Variants in NDRG2 observed in about 807,000 individuals in gnomAD.
NDRG2 encodes NDRG family member 2.
A neutral mutation model predicts 58.2 loss-of-function variants in NDRG2; 34 were observed. The ratio of observed to expected loss-of-function variants is 0.58; its 90% CI spans 0.44 to 0.78. The LOEUF (loss-of-function observed/expected upper bound fraction) is 0.78, where lower values mean the gene tolerates loss of function less well. NDRG2 is among the 30% of genes least tolerant of loss of function. The probability of loss-of-function intolerance (pLI) is 0.00; values close to 1 mark genes in which losing one functional copy is unlikely to be tolerated. For synonymous variants in NDRG2, 187 were observed against 175.9 expected, an observed-to-expected ratio of 1.06 and a Z score of -0.50; for missense variants, 434 against 471.2, an observed-to-expected ratio of 0.92 and a Z score of 0.73.
rs114584633 is a variant in NDRG2 at position 21,055,063 on chromosome 14, C to T, written c.24+15765G>A. Among the ~76,000 whole-genome samples the T allele has an allele frequency of 3.6e-3, 549 of 152,248 alleles. 2 individuals carry two copies. The highest frequency in any genetic ancestry group is 0.013 in the African/African-American group (522 of 41,530). The stretch of plus-strand genomic sequence containing the variant: ...CCATACTCCTAAGCATTTTACCACT[C>T]GCCACACTACTTTGAATATGTAAGA... On this transcript the variant is annotated intron_variant, in intron 1 of 14. Transcript: ENST00000403829.
intron 1 of NDRG2, among the ~76,000 whole-genome samples, chr14:21,060,769 G>A (rs1885913660): frequency 6.6e-6 from 1 of 152,140 alleles, no homozygotes; most frequent in Non-Finnish European, 1.5e-5. Flanking sequence ...CTCAGTGTTC[G>A]TTAGTGGAAA....
At chr14:21,068,595 A>G (rs554129635) in intron 1 of NDRG2, among the ~76,000 whole-genome samples, 24 of 152,186 alleles carry the variant, frequency 1.6e-4, no homozygotes, top group East Asian at 1.4e-3. Context: ...GCCCCTGGGC[A>G]GTATTTACGG....
chr14:21,045,939 T>C (rs867403676), intron 1 of NDRG2, among the ~76,000 whole-genome samples: 3 of 152,182 alleles, frequency 2.0e-5, no homozygotes, highest in Admixed American at 1.3e-4. Flanking sequence ...CTCATTGAAC[T>C]GTATACTTAA....
intron 4 of NDRG2, 24 bp downstream of exon 4, chr14:21,022,368 T>C (rs779836963): frequency 6.3e-7 from 1 of 1,593,562 alleles, no homozygotes; most frequent in Admixed American, 1.7e-5. Context: ...CAGACAGGAG[T>C]GGGAGATGAA....
intron 1 of NDRG2, chr14:21,034,297 C>T: frequency 6.2e-7 from 1 of 1,601,350 alleles, no homozygotes; most frequent in Non-Finnish European, 8.5e-7. Flanking sequence ...ATTCCTCCTG[C>T]TGGTAGAGTT....
At chr14:21,025,166 C>T (rs1403998330), upstream of NDRG2, 2 of 934,108 alleles carry the variant, frequency 2.1e-6, no homozygotes, top group Non-Finnish European at 1.3e-6. The surrounding 1 kb of genome is among the most constrained non-coding windows in gnomAD (Gnocchi z 5.1). Flanking sequence ...CGCCCCAGAC[C>T]CCCAGTAAAC....
intron 1 of NDRG2, chr14:21,058,091 C>T: frequency 6.2e-7 from 1 of 1,614,138 alleles, no homozygotes; most frequent in Non-Finnish European, 8.5e-7. Flanking sequence ...GTGCAAAGAC[C>T]TCAACACCTT....
At chr14:21,038,618 G>T (rs948784818) in intron 1 of NDRG2, among the ~76,000 whole-genome samples, 5 of 152,204 alleles carry the variant, frequency 3.3e-5, no homozygotes, top group African/African-American at 4.8e-5. Flanking sequence ...TCTGGCTGGG[G>T]TTGAGGCACT....
intron 1 of NDRG2, among the ~76,000 whole-genome samples, chr14:21,047,472 T>C (rs1885241199): frequency 6.6e-6 from 1 of 152,230 alleles, no homozygotes; most frequent in Non-Finnish European, 1.5e-5. Flanking sequence ...GGAATAGTGA[T>C]GAAATAGGAA....
intron 1 of NDRG2, among the ~76,000 whole-genome samples, chr14:21,038,900 G>A (rs545863976): frequency 1.1e-4 from 16 of 152,288 alleles, no homozygotes; most frequent in African/African-American, 3.8e-4. Flanking sequence ...AAAGGTCATG[G>A]GAATTCAAGG....
At chr14:21,033,656 C>T in intron 1 of NDRG2, 1 of 633,274 alleles carries the variant, frequency 1.6e-6, no homozygotes, top group Non-Finnish European at 2.8e-6. Flanking sequence ...CACCACTTTG[C>T]ATGGTGATCA....
At position 21,024,743 on chromosome 14, in the gene NDRG2, G is replaced by C. The variant is rs964210181; in HGVS notation, c.-720C>G. ...AGGAGACCGGCCGGGCCCAGCACCC[G>C]GAACCCGTCCCTACGAGTCCCTACG... On this transcript the variant is annotated 5_prime_UTR_variant, in exon 1 of 16. Transcript: ENST00000556147. The C allele has an allele frequency of 1.0e-6, 1 of 985,318 alleles. No homozygotes were observed. The highest frequency in any genetic ancestry group is 1.2e-6 in the Non-Finnish European group (1 of 829,988). The allele number at this position is 985,318 out of a possible 1,614,324, so 61.0% of individuals were successfully genotyped here.
chr14:21,056,089 T>C (rs1885663018), intron 1 of NDRG2, among the ~76,000 whole-genome samples: 1 of 152,128 alleles, frequency 6.6e-6, no homozygotes. Context: ...CATTCAGAAA[T>C]GCAGATACTA....
intron 1 of NDRG2, among the ~76,000 whole-genome samples, chr14:21,067,761 T>TACACACACACACACACACAC (rs3061993): frequency 8.7e-5 from 13 of 150,126 alleles, no homozygotes; most frequent in African/African-American, 3.2e-4. Context: ...TGTACACACG[T>TACACACACACACACACACAC]ACACACACAC....
chr14:21,043,310 G>C (rs768854515), intron 1 of NDRG2: 1 of 1,614,186 alleles, frequency 6.2e-7, no homozygotes, highest in Non-Finnish European at 8.5e-7. Flanking sequence ...CCGTGTCCCT[G>C]ACCATGTGTA....
chr14:21,032,497 A>G (rs1884289780), intron 1 of NDRG2: 1 of 360,312 alleles, frequency 2.8e-6, no homozygotes, highest in African/African-American at 2.1e-5. Context: ...CACATATTAG[A>G]TCCTTCCCTG....
chr14:21,068,203 G>T lies in NDRG2; in HGVS notation c.24+2625C>A, dbSNP rs1237205705. On this transcript the variant is annotated intron_variant, in intron 1 of 14. Coordinates refer to the NDRG2 transcript ENST00000403829. Reference sequence around the variant, plus strand: ...TTTAGTAGAGACGGGGTTTCACCGTGTTAGCCAGGATGGTCTCGATCTCCT... The same window carrying T: ...TTTAGTAGAGACGGGGTTTCACCGTTTTAGCCAGGATGGTCTCGATCTCCT... Among the ~76,000 whole-genome samples, 10 of 17,148 alleles carry T rather than the reference G, an allele frequency of 5.8e-4. 3 individuals carry two copies. Among genetic ancestry groups the T allele is most frequent in the African/African-American group, 9.5e-4 (10 of 10,568 alleles). 11.2% of individuals were successfully genotyped at this position (17,148 alleles called of 152,430 possible).
At chr14:21,066,979 C>A (rs771529297) in intron 1 of NDRG2, among the ~76,000 whole-genome samples, 8 of 152,308 alleles carry the variant, frequency 5.3e-5, no homozygotes, top group Middle Eastern at 3.4e-3. Flanking sequence ...CAAGTCCGTC[C>A]CTAAAATTCC....
At chr14:21,048,751 G>T (rs1296579415) in intron 1 of NDRG2, among the ~76,000 whole-genome samples, 1 of 152,142 alleles carries the variant, frequency 6.6e-6, no homozygotes, top group South Asian at 2.1e-4. Flanking sequence ...AATGTTGAGT[G>T]GTCAAACCTG....
Sources: allele counts gnomAD v4.1 joint callset (sites outside exome capture counted in the v4.1 genomes callset), GRCh38; gene constraint gnomAD v4.1.1; non-coding constraint Gnocchi (gnomAD v3.1); transcripts MANE v1.5; gene names NCBI Gene and HGNC (gene_info 2026-07-23, HGNC 2026-07-21).